PLCB1: variants seen among roughly 807,000 people sequenced by gnomAD.
PLCB1 encodes 1-phosphatidylinositol 4,5-bisphosphate phosphodiesterase beta-1.
In PLCB1, 46 loss-of-function variants were observed where a neutral mutation model predicts 161.8. That is an observed-to-expected ratio of 0.28 (90% CI 0.22 to 0.36). The LOEUF is 0.36. Among genes scored for constraint, PLCB1 ranks in the 10% least tolerant of loss-of-function variants. The pLI, the probability that PLCB1 is intolerant of heterozygous loss-of-function variation, is 1.00. For synonymous variants in PLCB1, 517 were observed against 503.7 expected, an observed-to-expected ratio of 1.03 and a Z score of -0.35; for missense variants, 1,016 against 1,472.5, an observed-to-expected ratio of 0.69 and a Z score of 5.07.
rs2123585641 is a variant in PLCB1 at position 8,765,140 on chromosome 20, A to G, written c.2712A>G (p.Glu904=). 6.2e-7 allele frequency: 1 copy of G among 1,610,388 alleles called. No homozygotes were observed. The highest frequency in any genetic ancestry group is 2.2e-5 in the East Asian group (1 of 44,862). ...AGCTTTCATATTCATTTGTTGCAGAAGTGGAAGCACAGACCATCGAAGAAC... is the reference window on the plus strand; with the variant it reads ...AGCTTTCATATTCATTTGTTGCAGAGGTGGAAGCACAGACCATCGAAGAAC... ...TEDLIQSVLT[E]VEAQTIEELK... is the part of the protein sequence containing the mutation. Residue 904 remains glutamate (E), a splice_region_variant and synonymous_variant, in exon 26 of 32, where the codon GAA becomes GAG. Transcript: ENST00000338037.
intron 3 of PLCB1, among the ~76,000 whole-genome samples, chr20:8,613,816 A>G (rs1385592177): frequency 1.3e-5 from 2 of 152,236 alleles, no homozygotes; most frequent in Non-Finnish European, 2.9e-5. Context: ...AAGCTTTTTT[A>G]TACATGGCAA....
intron 3 of PLCB1, among the ~76,000 whole-genome samples, chr20:8,560,205 C>T (rs1600153424): frequency 1.3e-5 from 2 of 152,002 alleles, no homozygotes; most frequent in South Asian, 4.1e-4. Flanking sequence ...AGGAGATGCT[C>T]ATGCTGCTGG....
At chr20:8,343,812 G>A (rs895432153) in intron 2 of PLCB1, among the ~76,000 whole-genome samples, 2 of 152,186 alleles carry the variant, frequency 1.3e-5, no homozygotes, top group Non-Finnish European at 1.5e-5. Flanking sequence ...GACCACAAAA[G>A]CATTTATTGA....
chr20:8,392,891 T>A (rs555506272), intron 3 of PLCB1, among the ~76,000 whole-genome samples: 25 of 152,304 alleles, frequency 1.6e-4, no homozygotes, highest in African/African-American at 6.0e-4. Flanking sequence ...AGAATTCCTA[T>A]CTATGGCATT....
rs978855521 is a variant in PLCB1 at position 8,857,623 on chromosome 20, A to G, written c.3424-23999A>G. On this transcript the variant is annotated intron_variant, in intron 31 of 31. Coordinates refer to ENST00000338037, the MANE Select transcript of PLCB1 (RefSeq NM_015192.4). ...AGGGAATATGAATCTTCCATTTTAC[A>G]TGATGATGCTAAATTGTCTTCTGAA... is the stretch of plus-strand genomic sequence containing the variant. 1.3e-5 allele frequency among the ~76,000 whole-genome samples: 2 copies of G among 152,218 alleles called. 1 individual carries two copies. The highest frequency in any genetic ancestry group is 1.3e-4 in the Admixed American group (2 of 15,288).
chr20:8,670,598 C>T (rs1465854168), intron 9 of PLCB1, among the ~76,000 whole-genome samples: 3 of 151,754 alleles, frequency 2.0e-5, no homozygotes, highest in Non-Finnish European at 4.4e-5. Flanking sequence ...CACTTTTCAA[C>T]TTAAGATAAA....
chr20:8,212,842 A>G (rs1978904403), intron 2 of PLCB1, among the ~76,000 whole-genome samples: 1 of 152,176 alleles, frequency 6.6e-6, no homozygotes, highest in African/African-American at 2.4e-5. Context: ...TTTACATGTG[A>G]AAATGCAGAA....
intron 3 of PLCB1, among the ~76,000 whole-genome samples, chr20:8,419,740 A>G (rs1205705068): frequency 2.0e-5 from 3 of 152,218 alleles, no homozygotes; most frequent in African/African-American, 7.2e-5. Flanking sequence ...CAACATAAGT[A>G]GAGAAGCATT....
intron 9 of PLCB1, among the ~76,000 whole-genome samples, chr20:8,672,844 G>T (rs1010651194): frequency 2.6e-5 from 4 of 152,092 alleles, no homozygotes; most frequent in Non-Finnish European, 5.9e-5. Flanking sequence ...GGGCACGGTG[G>T]CTCACATCTG....
At chr20:8,638,538 C>T (rs1411360889) in intron 4 of PLCB1, among the ~76,000 whole-genome samples, 2 of 151,840 alleles carry the variant, frequency 1.3e-5, no homozygotes, top group African/African-American at 4.8e-5. Context: ...CATTACACAC[C>T]CATATATATA....
intron 3 of PLCB1, among the ~76,000 whole-genome samples, chr20:8,585,768 C>T (rs989719874): frequency 2.6e-5 from 4 of 152,178 alleles, no homozygotes; most frequent in African/African-American, 9.7e-5. Context: ...GGTCTCTGCT[C>T]CTTGCCAGCT....
intron 3 of PLCB1, among the ~76,000 whole-genome samples, chr20:8,385,093 C>T (rs1037658005): frequency 2.0e-5 from 3 of 152,222 alleles, no homozygotes; most frequent in Non-Finnish European, 4.4e-5. Flanking sequence ...GAAACCCACT[C>T]TTCTGGGCTG....
intron 31 of PLCB1, among the ~76,000 whole-genome samples, chr20:8,859,873 A>G (rs908981243): frequency 1.3e-5 from 2 of 152,160 alleles, no homozygotes; most frequent in African/African-American, 4.8e-5. Flanking sequence ...TCTCCACTCT[A>G]CCTACCATGA....
At chr20:8,389,119 T>A (rs1987517084) in intron 3 of PLCB1, among the ~76,000 whole-genome samples, 1 of 151,814 alleles carries the variant, frequency 6.6e-6, no homozygotes, top group African/African-American at 2.4e-5. Context: ...CTTTTTACTT[T>A]AAAAAAAAAT....
At chr20:8,194,831 T>C (rs2052005384) in intron 2 of PLCB1, among the ~76,000 whole-genome samples, 1 of 152,062 alleles carries the variant, frequency 6.6e-6, no homozygotes, top group African/African-American at 2.4e-5. Context: ...TACTTTTTCA[T>C]ATTGGATGGG....
At chr20:8,540,829 T>C (rs1173275488) in intron 3 of PLCB1, among the ~76,000 whole-genome samples, 13 of 152,154 alleles carry the variant, frequency 8.5e-5, no homozygotes, top group Admixed American at 8.5e-4. Flanking sequence ...TTAGGACTTA[T>C]TTCTTGACTC....
chr20:8,834,810 G>GAAAAA (rs10568816), intron 31 of PLCB1, among the ~76,000 whole-genome samples: 1 of 85,602 alleles, frequency 1.2e-5, no homozygotes. Flanking sequence ...CTCTGCCTCA[G>GAAAAA]AAAAAAAAAA....
chr20:8,677,074 G>T lies in PLCB1; in HGVS notation c.863-7858G>T, dbSNP rs562689877. Among the ~76,000 whole-genome samples, 41 of 152,250 alleles carry T rather than the reference G, an allele frequency of 2.7e-4. No individual in the cohort carries two copies. The South Asian group carries it at 7.5e-3, about 28-fold the overall frequency. ...AGAGAGTAAAGCAAAAAAATTAGAT[G>T]GAAGATTGGAGAGAAAATGTATAAA... On this transcript the variant is annotated intron_variant, in intron 9 of 31. Coordinates refer to ENST00000338037, the MANE Select transcript of PLCB1 (RefSeq NM_015192.4).
intron 3 of PLCB1, among the ~76,000 whole-genome samples, chr20:8,487,796 G>A (rs907413382): frequency 6.6e-6 from 1 of 152,210 alleles, no homozygotes; most frequent in Non-Finnish European, 1.5e-5. Context: ...AAAAGGTGGA[G>A]TATTTTTAAT....
Sources: allele counts gnomAD v4.1 joint callset (sites outside exome capture counted in the v4.1 genomes callset), GRCh38; gene constraint gnomAD v4.1.1; transcripts MANE v1.5; gene names NCBI Gene and HGNC (gene_info 2026-07-23, HGNC 2026-07-21).